The following SEMA4A variants were observed in gnomAD, a reference collection of about 807,000 sequenced individuals.
SEMA4A encodes the protein semaphorin 4A, also known as semaphorin-4A.
In SEMA4A, 52 loss-of-function variants were observed where a neutral mutation model predicts 72.5. The ratio of observed to expected loss-of-function variants is 0.72; its 90% CI spans 0.57 to 0.90. The LOEUF (loss-of-function observed/expected upper bound fraction) is 0.90, where lower values mean the gene tolerates loss of function less well. Ranked by LOEUF, SEMA4A falls within the 40% of genes least tolerant of loss-of-function variation. SEMA4A has a pLI of 0.00. For synonymous variants in SEMA4A, 369 were observed against 393.1 expected (o/e 0.94, Z 0.73); for missense variants, 926 against 959.7 (o/e 0.96, Z 0.46).
chr1:156,161,454 G>A lies in SEMA4A; in HGVS notation c.919G>A (p.Ala307Thr). Residue 307 changes from alanine to threonine, a missense_variant, in exon 9 of 15, where the codon GCG becomes ACG. Transcript: ENST00000368285. ...GCTGCCCTTCAACGTCATCCGCCACGCGGTCCTGCTCCCCGCCGATTCTCC... is the reference window on the plus strand; with the variant it reads ...GCTGCCCTTCAACGTCATCCGCCACACGGTCCTGCTCCCCGCCGATTCTCC... ...GQLPFNVIRH[A>T]VLLPADSPTA... 1 of 1,613,928 alleles carries A rather than the reference G, an allele frequency of 6.2e-7. No individual in the cohort carries two copies. Among genetic ancestry groups the A allele is most frequent in the Non-Finnish European group, 8.5e-7 (1 of 1,179,976 alleles).
At chr1:156,161,320 C>G (rs1268497196) in intron 8 of SEMA4A, 26 bp from the exon 9 acceptor site, 4 of 1,572,444 alleles carry the variant, frequency 2.5e-6, no homozygotes, top group Non-Finnish European at 1.7e-6. Flanking sequence ...GCCCGGGGCG[C>G]CCCCTGACTC....
chr1:156,154,680 CG>C lies in SEMA4A; in HGVS notation c.105del (p.Gln36ArgfsTer34). 6.3e-7 allele frequency: 1 copy of C among 1,595,512 alleles called. No individual in the cohort carries two copies. ...LLPTTTAGGG[G>X]QGPMPRVRYY... ...TGCCGACGACGACCGCGGGGGGAGGCGGGCAGGGGCCCATGCCCAGGGTCAG... is the reference window on the plus strand; with the variant it reads ...TGCCGACGACGACCGCGGGGGGAGGCGGCAGGGGCCCATGCCCAGGGTCAG... On this transcript the variant is annotated frameshift_variant, in exon 2 of 15. Transcript: ENST00000368285. LOFTEE classifies it high-confidence loss of function.
In SEMA4A at chr1:156,164,048, G is replaced by GAA. The variant is rs34436852; in HGVS notation, c.1134+971_1134+972dup. Among the ~76,000 whole-genome samples the GAA allele has an allele frequency of 3.1e-3, 351 of 111,614 alleles. 3 individuals are homozygous for GAA. Among genetic ancestry groups the GAA allele is most frequent in the East Asian group, 0.011 (42 of 3,844 alleles). The allele number at this position is 111,614 out of a possible 152,430, so 73.2% of individuals were successfully genotyped here. A position where few individuals can be genotyped will look rare whatever the true frequency, so the allele number is the denominator to read the frequency against. ...GCTGTCTCTAAAGAAGTTTTTAAAT[G>GAA]AAAAAAAAAAAAAAAAAATCACAGC... is the stretch of plus-strand genomic sequence containing the variant. On this transcript the variant is annotated intron_variant, in intron 10 of 14. Coordinates refer to ENST00000368285, the MANE Select transcript of SEMA4A (RefSeq NM_022367.4).
At position 156,157,208 on chromosome 1, in the gene SEMA4A, A is replaced by G. The variant is rs1156411010; in HGVS notation, c.300+634A>G. Among the ~76,000 whole-genome samples the G allele has an allele frequency of 6.7e-6, 1 of 150,060 alleles. No individual in the cohort carries two copies. Among genetic ancestry groups the G allele is most frequent in the Non-Finnish European group, 1.5e-5 (1 of 67,638 alleles). ...GCTTCTGTGTCTTTTTTTTTTTGAG[A>G]TGGAGTCTCACTCTGTTGTCCAGGC... On this transcript the variant is annotated intron_variant, in intron 3 of 14. Transcript: ENST00000368285. The surrounding 1 kb of genome is among the most constrained non-coding windows in gnomAD (Gnocchi z 4.5).
chr1:156,150,834 C>T (rs1328136385), upstream of SEMA4A, among the ~76,000 whole-genome samples: 2 of 152,102 alleles, frequency 1.3e-5, no homozygotes, highest in African/African-American at 2.4e-5. Flanking sequence ...GAGCTGGACT[C>T]TGGCAGGGCA....
intron 10 of SEMA4A, among the ~76,000 whole-genome samples, chr1:156,172,400 G>A (rs1654887802): frequency 6.6e-6 from 1 of 152,170 alleles, no homozygotes; most frequent in African/African-American, 2.4e-5. Context: ...ACAGGTGTGA[G>A]CCACTGCGCC....
upstream of SEMA4A, chr1:156,149,918 T>TG (rs1652395314): frequency 1.3e-5 from 2 of 151,622 alleles, no homozygotes; most frequent in Non-Finnish European, 1.5e-5. Context: ...AGGAAGAATA[T>TG]GGGGAGATTC....
chr1:156,156,902 G>A (rs1653095034), intron 3 of SEMA4A, among the ~76,000 whole-genome samples: 1 of 151,852 alleles, frequency 6.6e-6, no homozygotes, highest in Non-Finnish European at 1.5e-5. Flanking sequence ...CACCATGCCA[G>A]GCTAATTTTA....
Position 156,161,429 on chromosome 1 carries a change from G to A in SEMA4A, c.894G>A (p.Gln298=), listed in dbSNP as rs139316699. The A allele has an allele frequency of 2.7e-5, 43 of 1,607,832 alleles. No homozygotes were observed. In the African/African-American group the frequency reaches 5.4e-4, roughly 20 times the overall value. ...KAQLLCTQPG[Q]LPFNVIRHAV... ...AGCTGCTCTGCACCCAGCCGGGGCAGCTGCCCTTCAACGTCATCCGCCACG... is the reference window on the plus strand; with the variant it reads ...AGCTGCTCTGCACCCAGCCGGGGCAACTGCCCTTCAACGTCATCCGCCACG... Residue 298 remains glutamine, a synonymous_variant, in exon 9 of 15, where the codon CAG becomes CAA. Transcript: ENST00000368285.
At chr1:156,163,262 T>G in intron 10 of SEMA4A, 168 bp downstream of exon 10, 1 of 719,184 alleles carries the variant, frequency 1.4e-6, no homozygotes, top group Non-Finnish European at 2.3e-6. Flanking sequence ...CACATGTGCC[T>G]AGCACCCTTT....
Position 156,175,103 on chromosome 1 carries a change from C to T in SEMA4A, c.1452C>T (p.Gly484=). The change falls in exon 13 of 15, where the codon GGC becomes GGT. Residue 484 remains glycine (G), a synonymous_variant. Transcript: ENST00000368285. ...LAPTQGAVFV[G]FSGGVWRVPR... ...TCTTCCAGGGTGCAGTGTTTGTAGG[C>T]TTCTCAGGAGGTGTCTGGAGGGTGC... The T allele has an allele frequency of 6.2e-7, 1 of 1,614,178 alleles. No homozygotes were observed. Among genetic ancestry groups the T allele is most frequent in the Non-Finnish European group, 8.5e-7 (1 of 1,180,026 alleles).
intron 1 of SEMA4A, 96 bp from the exon 2 acceptor site, chr1:156,154,454 C>A: frequency 8.6e-7 from 1 of 1,162,584 alleles, no homozygotes; most frequent in Non-Finnish European, 1.2e-6. Flanking sequence ...GCCACCAATA[C>A]ACACGCTTCT....
chr1:156,177,478 A>T lies in SEMA4A; in HGVS notation c.*481A>T. The T allele has an allele frequency of 4.1e-6, 1 of 242,304 alleles. No homozygotes were observed. Among genetic ancestry groups the T allele is most frequent in the Non-Finnish European group, 8.2e-6 (1 of 121,308 alleles). The allele number at this position is 242,304 out of a possible 1,614,324, so 15.0% of individuals were successfully genotyped here. A position where few individuals can be genotyped will look rare whatever the true frequency, so the allele number is the denominator to read the frequency against. ...TCCCTTCTCCCAGGGTCATGCAGGG[A>T]TCTGCTCCCTCCTGCTTCCCTTACC... On this transcript the variant is annotated 3_prime_UTR_variant, in exon 15 of 15. Transcript: ENST00000368285.
In SEMA4A at chr1:156,176,589, A is replaced by G; in HGVS notation, c.1878A>G (p.Ala626=). The G allele has an allele frequency of 6.2e-7, 1 of 1,614,142 alleles. No homozygotes were observed. Among genetic ancestry groups the G allele is most frequent in the Non-Finnish European group, 8.5e-7 (1 of 1,180,038 alleles). The change falls in exon 15 of 15, where the codon GCA becomes GCG. Residue 626 remains alanine, a synonymous_variant. Transcript: ENST00000368285. ...DGVGGLYQCW[A]TENGFSYPVI... The stretch of plus-strand genomic sequence containing the variant: ...TTGGGGGTCTCTACCAGTGCTGGGC[A>G]ACTGAGAATGGCTTTTCATACCCTG...
upstream of SEMA4A, chr1:156,153,434 T>C (rs936917385): frequency 1.3e-5 from 2 of 152,240 alleles, no homozygotes; most frequent in Non-Finnish European, 2.9e-5. Context: ...ACTTTCTGGT[T>C]GGACCGAGCA....
intron 11 of SEMA4A, among the ~76,000 whole-genome samples, chr1:156,174,404 G>A (rs1000123553): frequency 6.6e-6 from 1 of 152,214 alleles, no homozygotes; most frequent in African/African-American, 2.4e-5. Context: ...TTTGAGTCAC[G>A]TAGAGGTGTG....
chr1:156,166,871 G>A (rs1654214473), intron 10 of SEMA4A, among the ~76,000 whole-genome samples: 1 of 151,970 alleles, frequency 6.6e-6, no homozygotes, highest in Non-Finnish European at 1.5e-5. Context: ...GGAGGTTGCA[G>A]TGAGCCAAGA....
At chr1:156,173,671 G>T (rs1465914871) in intron 11 of SEMA4A, among the ~76,000 whole-genome samples, 3 of 152,130 alleles carry the variant, frequency 2.0e-5, no homozygotes, top group African/African-American at 7.2e-5. Context: ...TGACTTGGTG[G>T]GTGTGCAGGC....
chr1:156,163,744 A>G (rs956973148), intron 10 of SEMA4A, among the ~76,000 whole-genome samples: 4 of 150,182 alleles, frequency 2.7e-5, no homozygotes, highest in African/African-American at 9.8e-5. Context: ...AAAAAAAAAA[A>G]AAAAATCAGA....
Sources: allele counts gnomAD v4.1 joint callset (sites outside exome capture counted in the v4.1 genomes callset), GRCh38; gene constraint gnomAD v4.1.1; non-coding constraint Gnocchi (gnomAD v3.1); transcripts MANE v1.5; gene names NCBI Gene and HGNC (gene_info 2026-07-23, HGNC 2026-07-21).